The following FMNL2 variants were observed in gnomAD, a reference collection of about 807,000 sequenced individuals.
The protein encoded by FMNL2 is formin-like protein 2.
In FMNL2, 51 loss-of-function variants were observed where a neutral mutation model predicts 130.2. The observed-to-expected ratio is 0.39, with a 90% confidence interval of 0.31 to 0.49. The LOEUF (loss-of-function observed/expected upper bound fraction) is 0.49. FMNL2 is among the 20% of genes least tolerant of loss of function. The probability of loss-of-function intolerance (pLI) is 0.85; values close to 1 mark genes in which losing one functional copy is unlikely to be tolerated. For synonymous variants in FMNL2, 465 were observed against 467.1 expected (o/e 1.00, Z 0.06); for missense variants, 977 against 1,316.2 (o/e 0.74, Z 3.99).
At chr2:152,553,569 C>A (rs1278493751) in intron 4 of FMNL2, among the ~76,000 whole-genome samples, 1 of 147,018 alleles carries the variant, frequency 6.8e-6, no homozygotes. Flanking sequence ...TTTTAGAGTG[C>A]CTTTATACTT....
Position 152,619,108 on chromosome 2 carries a change from T to C in FMNL2, c.1577T>C (p.Leu526Ser). 1.2e-6 allele frequency: 2 copies of C among 1,602,922 alleles called. No individual in the cohort carries two copies. The highest frequency in any genetic ancestry group is 1.7e-6 in the Non-Finnish European group (2 of 1,173,128). The change falls in exon 14 of 26, where the codon TTG becomes TCG. Residue 526 changes from leucine to serine, a missense_variant. Physicochemically the swap from Leu to Ser is moderately radical, Grantham distance 145. Around this residue, in one of 4 missense-constraint regions of FMNL2, gnomAD observed 689 missense variants for 995.9 expected, o/e 0.69. Coordinates refer to ENST00000288670, the MANE Select transcript of FMNL2 (RefSeq NM_052905.4). ...PTMGAASSGP[L>S]PPPPPPLPPS... Reference sequence around the variant, plus strand: ...ATGGGGGCCGCTTCCTCAGGACCCTTGCCCCCTCCTCCACCACCACTGCCT... The same window carrying C: ...ATGGGGGCCGCTTCCTCAGGACCCTCGCCCCCTCCTCCACCACCACTGCCT...
Position 152,619,149 on chromosome 2 carries a change from C to A in FMNL2, c.1618C>A (p.Pro540Thr). The change falls in exon 14 of 26, where the codon CCT becomes ACT. Residue 540 changes from proline (P) to threonine (T), a missense_variant. Pro to Thr is a conservative substitution (Grantham distance 38). Around this residue, in one of 4 missense-constraint regions of FMNL2, gnomAD observed 689 missense variants for 995.9 expected, o/e 0.69. Coordinates refer to ENST00000288670, the MANE Select transcript of FMNL2 (RefSeq NM_052905.4). ...ACCACTGCCTCCCTCATCAGACACACCTGAAACAGGTAAGAAGCCTTGGCA... is the reference window on the plus strand; with the variant it reads ...ACCACTGCCTCCCTCATCAGACACAACTGAAACAGGTAAGAAGCCTTGGCA... ...PPPLPPSSDTPETVQNGPVTP... is the reference protein window; with the variant it reads ...PPPLPPSSDTTETVQNGPVTP... The A allele has an allele frequency of 6.4e-7, 1 of 1,559,378 alleles. No homozygotes were observed. Among genetic ancestry groups the A allele is most frequent in the South Asian group, 1.2e-5 (1 of 83,050 alleles).
intron 1 of FMNL2, among the ~76,000 whole-genome samples, chr2:152,444,824 T>C (rs1254876708): frequency 6.6e-6 from 1 of 152,178 alleles, no homozygotes; most frequent in Non-Finnish European, 1.5e-5. Context: ...CTCCACCATG[T>C]GTGAGGTTAC....
chr2:152,526,363 G>T (rs1693383881), intron 2 of FMNL2, among the ~76,000 whole-genome samples: 1 of 152,148 alleles, frequency 6.6e-6, no homozygotes, highest in African/African-American at 2.4e-5. Flanking sequence ...AGATGGTGAT[G>T]CCAGCAATAA....
intron 1 of FMNL2, among the ~76,000 whole-genome samples, chr2:152,402,124 G>A (rs866137602): frequency 1.3e-5 from 2 of 151,882 alleles, no homozygotes; most frequent in African/African-American, 2.4e-5. Context: ...GGATGGTCTC[G>A]ATCTCCTGAC....
At chr2:152,598,861 T>C (rs1471132913) in intron 9 of FMNL2, among the ~76,000 whole-genome samples, 1 of 152,220 alleles carries the variant, frequency 6.6e-6, no homozygotes, top group Non-Finnish European at 1.5e-5. Flanking sequence ...CACGTGGTTA[T>C]GGAGGTAGAG....
Position 152,558,838 on chromosome 2 carries a change from G to T in FMNL2, c.443+15G>T. On this transcript the variant is annotated intron_variant, in intron 5 of 25. Transcript: ENST00000288670. ...TACGCGGTAACGTAAGTAAAACTTG[G>T]CTTGCTTGCATTTGAATTTTATGTG... 6.2e-7 allele frequency: 1 copy of T among 1,610,418 alleles called. No homozygotes were observed. Among genetic ancestry groups the T allele is most frequent in the South Asian group, 1.1e-5 (1 of 90,428 alleles).
chr2:152,571,098 A>G (rs1696146488), intron 6 of FMNL2, among the ~76,000 whole-genome samples: 1 of 152,196 alleles, frequency 6.6e-6, no homozygotes, highest in South Asian at 2.1e-4. Flanking sequence ...AATCACAGTG[A>G]AAACCAGCAG....
At chr2:152,573,215 T>G (rs1365134356) in intron 6 of FMNL2, among the ~76,000 whole-genome samples, 1 of 152,244 alleles carries the variant, frequency 6.6e-6, no homozygotes, top group Non-Finnish European at 1.5e-5. Flanking sequence ...GCCTATATGC[T>G]GCTGTTTTTG....
intron 9 of FMNL2, among the ~76,000 whole-genome samples, chr2:152,593,838 G>GGAGAGAGAGA (rs147035875): frequency 2.0e-3 from 171 of 84,912 alleles, no homozygotes; most frequent in African/African-American, 3.0e-3. Context: ...AGGTGACTAG[G>GGAGAGAGAGA]GAGAGAGAGA....
chr2:152,431,658 G>A (rs1427741719), intron 1 of FMNL2, among the ~76,000 whole-genome samples: 17 of 152,140 alleles, frequency 1.1e-4, no homozygotes, highest in African/African-American at 1.9e-4. Context: ...TTAATGTGCC[G>A]CGTGTCTGTT....
At chr2:152,367,073 G>GTGTTTTT (rs1553869242) in intron 1 of FMNL2, among the ~76,000 whole-genome samples, 1 of 88,184 alleles carries the variant, frequency 1.1e-5, no homozygotes. Context: ...GTGTGTGTGT[G>GTGTTTTT]TTTGTTTTTT....
At chr2:152,516,562 A>T (rs1414386803) in intron 1 of FMNL2, among the ~76,000 whole-genome samples, 1 of 152,226 alleles carries the variant, frequency 6.6e-6, no homozygotes, top group Non-Finnish European at 1.5e-5. Context: ...GATTACAAGG[A>T]CAAAGATATA....
intron 8 of FMNL2, among the ~76,000 whole-genome samples, chr2:152,580,123 T>C (rs1696701679): frequency 6.6e-6 from 1 of 152,248 alleles, no homozygotes; most frequent in Non-Finnish European, 1.5e-5. Context: ...CTCTGCCTTC[T>C]ACTACAGGGA....
At chr2:152,369,041 C>T (rs1683725725) in intron 1 of FMNL2, among the ~76,000 whole-genome samples, 3 of 152,094 alleles carry the variant, frequency 2.0e-5, no homozygotes, top group Non-Finnish European at 2.9e-5. Flanking sequence ...ATGAGATGCT[C>T]CTTAGTTTTC....
chr2:152,391,047 C>G (rs1032731673), intron 1 of FMNL2, among the ~76,000 whole-genome samples: 1 of 152,182 alleles, frequency 6.6e-6, no homozygotes, highest in African/African-American at 2.4e-5. Flanking sequence ...AATACTATAG[C>G]AATAGTAACC....
chr2:152,363,837 A>G (rs1254835191), intron 1 of FMNL2, among the ~76,000 whole-genome samples: 3 of 152,202 alleles, frequency 2.0e-5, no homozygotes, highest in Non-Finnish European at 4.4e-5. Flanking sequence ...TGCTGGGATT[A>G]CAGATGTGAG....
chr2:152,579,788 A>G (rs1411768253), intron 8 of FMNL2, among the ~76,000 whole-genome samples: 1 of 152,266 alleles, frequency 6.6e-6, no homozygotes, highest in Non-Finnish European at 1.5e-5. Flanking sequence ...AGCAGCAGAT[A>G]TAATTCACAT....
At chr2:152,546,518 A>G (rs1694646795) in intron 3 of FMNL2, among the ~76,000 whole-genome samples, 1 of 152,106 alleles carries the variant, frequency 6.6e-6, no homozygotes, top group African/African-American at 2.4e-5. Context: ...ACCTCCCACT[A>G]GGCCCACCTC....
Sources: gnomAD v4.1 joint callset for allele counts (sites outside exome capture counted in the v4.1 genomes callset) on GRCh38, gnomAD v4.1.1 for gene constraint, gnomAD v4.1.1 regional missense constraint, MANE v1.5 for transcripts, NCBI Gene and HGNC (gene_info 2026-07-23, HGNC 2026-07-21) for gene names.